The following ZNF560 variants were observed in gnomAD, a reference collection of about 807,000 sequenced individuals.
ZNF560 encodes the protein zinc finger protein 560.
ZNF560 carries 54 observed loss-of-function variants against 81.8 expected under a neutral mutation model. The observed-to-expected ratio is 0.66, with a 90% CI of 0.53 to 0.83. The LOEUF is 0.83. Ranked by LOEUF, ZNF560 falls within the 40% of genes least tolerant of loss-of-function variation. ZNF560 has a pLI of 0.00. For missense variants in ZNF560, 940 were observed against 932.4 expected, an observed-to-expected ratio of 1.01 and a Z score of -0.11; for synonymous variants, 321 against 317.9, an observed-to-expected ratio of 1.01 and a Z score of -0.10.
chr19:9,489,126 C>T (rs1329829278), intron 2 of ZNF560, among the ~76,000 whole-genome samples: 4 of 152,070 alleles, frequency 2.6e-5, no homozygotes, highest in African/African-American at 9.7e-5. Context: ...AAAAAATAAA[C>T]TTTAATGTTG....
At chr19:9,502,169 A>AAAAAAAG (rs2073638448), upstream of ZNF560, among the ~76,000 whole-genome samples, 2 of 119,702 alleles carry the variant, frequency 1.7e-5, no homozygotes. Context: ...AGAAAAAAAG[A>AAAAAAAG]AAAAAAAAAG....
At chr19:9,472,891 A>AT (rs973954457) in intron 5 of ZNF560, among the ~76,000 whole-genome samples, 17 of 152,196 alleles carry the variant, frequency 1.1e-4, no homozygotes, top group African/African-American at 4.1e-4. Flanking sequence ...TTAAAACACT[A>AT]TGACACCACC....
intron 2 of ZNF560, among the ~76,000 whole-genome samples, chr19:9,477,203 G>C (rs1431869635): frequency 1.3e-5 from 2 of 151,924 alleles, no homozygotes; most frequent in East Asian, 3.9e-4. Context: ...ACATACATAT[G>C]TGCATATACA....
the ZNF560 span, among the ~76,000 whole-genome samples, chr19:9,450,112 G>A: frequency 1.1e-4 from 17 of 151,508 alleles, no homozygotes; most frequent in East Asian, 3.9e-4. Context: ...CCAAGATGGC[G>A]AAACCCTGTC....
chr19:9,491,123 G>T (rs2073466062), intron 2 of ZNF560, among the ~76,000 whole-genome samples: 1 of 151,948 alleles, frequency 6.6e-6, no homozygotes, highest in Non-Finnish European at 1.5e-5. Flanking sequence ...GTTTTGTTTT[G>T]TTTTTTTGAG....
chr19:9,456,196 A>G, the ZNF560 span, among the ~76,000 whole-genome samples: 1 of 152,148 alleles, frequency 6.6e-6, no homozygotes, highest in Admixed American at 6.5e-5. Context: ...TCTGTGTTGC[A>G]CCAGGGCTGT....
chr19:9,505,660 T>C, the ZNF560 span, among the ~76,000 whole-genome samples: 5 of 152,208 alleles, frequency 3.3e-5, no homozygotes, highest in African/African-American at 1.2e-4. Context: ...TTTAACTCTC[T>C]TCTAATTTTC....
chr19:9,450,944 T>C, the ZNF560 span, among the ~76,000 whole-genome samples: 11 of 152,046 alleles, frequency 7.2e-5, no homozygotes, highest in Non-Finnish European at 1.2e-4. Context: ...GAGGTTAAAG[T>C]TTCTGCAAGA....
chr19:9,493,190 A>T (rs1276764216), intron 2 of ZNF560, among the ~76,000 whole-genome samples: 2 of 152,184 alleles, frequency 1.3e-5, no homozygotes, highest in Non-Finnish European at 2.9e-5. Flanking sequence ...GAGGACCAAG[A>T]TCCCTTCAGA....
intron 2 of ZNF560, among the ~76,000 whole-genome samples, chr19:9,492,927 C>T (rs2073495282): frequency 6.6e-6 from 1 of 152,062 alleles, no homozygotes; most frequent in African/African-American, 2.4e-5. Flanking sequence ...TATTTGGTCC[C>T]AATACACTGG....
At chr19:9,472,314 C>A (rs2073135421) in intron 5 of ZNF560, among the ~76,000 whole-genome samples, 1 of 152,012 alleles carries the variant, frequency 6.6e-6, no homozygotes, top group African/African-American at 2.4e-5. Flanking sequence ...CATGTGAGAC[C>A]TGGTAGTTTA....
At chr19:9,498,998 C>A (rs975569308), upstream of ZNF560, among the ~76,000 whole-genome samples, 1 of 152,224 alleles carries the variant, frequency 6.6e-6, no homozygotes, top group African/African-American at 2.4e-5. Context: ...GATAACCTGC[C>A]AATCCACAAA....
rs565646879 is a variant in ZNF560, at chr19:9,494,251, A to G, written c.-57+3877T>C. 2.0e-5 allele frequency among the ~76,000 whole-genome samples: 3 copies of G among 152,224 alleles called. No individual in the cohort carries two copies. The South Asian group carries it at 6.2e-4, about 32-fold the overall frequency. Reference sequence around the variant, plus strand: ...AAGTGGAAATGCAGACTTAACCATTATAAGAGAATCAAAGTGTGTATAGAT... The same window carrying G: ...AAGTGGAAATGCAGACTTAACCATTGTAAGAGAATCAAAGTGTGTATAGAT... On this transcript the variant is annotated intron_variant, in intron 2 of 9. Transcript: ENST00000301480.
At chr19:9,499,506 A>AT (rs565379885), upstream of ZNF560, among the ~76,000 whole-genome samples, 25 of 151,342 alleles carry the variant, frequency 1.7e-4, no homozygotes, top group Admixed American at 2.6e-4. Flanking sequence ...GCCTTATTGT[A>AT]TTTTTTTTTC....
At chr19:9,480,859 G>A (rs1245996337) in intron 2 of ZNF560, among the ~76,000 whole-genome samples, 3 of 152,118 alleles carry the variant, frequency 2.0e-5, no homozygotes, top group African/African-American at 7.2e-5. Flanking sequence ...GCCAAGGTGG[G>A]AAGATTGCTT....
intron 2 of ZNF560, among the ~76,000 whole-genome samples, chr19:9,479,658 T>C (rs1441532004): frequency 6.6e-6 from 1 of 152,026 alleles, no homozygotes. Flanking sequence ...AAAAAATGCA[T>C]GGGTCCAACT....
chr19:9,474,089 G>A, intron 4 of ZNF560, 110 bp downstream of exon 4: 6 of 1,258,104 alleles, frequency 4.8e-6, no homozygotes, highest in South Asian at 1.2e-5. Flanking sequence ...ATTATGGCAG[G>A]GACAACGTCT....
chr19:9,500,808 C>A (rs958446662), upstream of ZNF560, among the ~76,000 whole-genome samples: 1 of 152,020 alleles, frequency 6.6e-6, no homozygotes, highest in Non-Finnish European at 1.5e-5. Flanking sequence ...AACTCCTGAC[C>A]TCATGATCCA....
chr19:9,470,191 G>A (rs1193560277), intron 7 of ZNF560, among the ~76,000 whole-genome samples: 2 of 152,068 alleles, frequency 1.3e-5, no homozygotes, highest in African/African-American at 2.4e-5. Context: ...TGCTACTGAC[G>A]CAAACTACCA....
Sources: allele counts gnomAD v4.1 joint callset (sites outside exome capture counted in the v4.1 genomes callset), GRCh38; gene constraint gnomAD v4.1.1; transcripts MANE v1.5; gene names NCBI Gene and HGNC (gene_info 2026-07-23, HGNC 2026-07-21).